Variants in DPT observed in about 807,000 individuals in gnomAD.
DPT encodes the protein dermatopontin.
DPT carries 21 observed loss-of-function variants against 31.2 expected under a neutral mutation model. That is an observed-to-expected ratio of 0.67 (90% CI 0.48 to 0.97). The LOEUF (loss-of-function observed/expected upper bound fraction) is 0.97, where lower values mean the gene tolerates loss of function less well. DPT is among the 50% of genes least tolerant of loss of function. The pLI, the probability that DPT is intolerant of heterozygous loss-of-function variation, is 0.00. For missense variants in DPT, 262 were observed against 258.8 expected (o/e 1.01, Z -0.08); for synonymous variants, 91 against 86.9 (o/e 1.05, Z -0.26).
At chr1:168,712,583 G>C (rs1377212573) in intron 2 of DPT, among the ~76,000 whole-genome samples, 1 of 152,198 alleles carries the variant, frequency 6.6e-6, no homozygotes, top group African/African-American at 2.4e-5. Context: ...AATAGACCAG[G>C]AATGAGAGAT....
chr1:168,724,734 G>A (rs1179223340), intron 1 of DPT, among the ~76,000 whole-genome samples: 1 of 152,100 alleles, frequency 6.6e-6, no homozygotes, highest in Admixed American at 6.5e-5. Flanking sequence ...ACTGAGGCTT[G>A]GTCTTGCTTA....
chr1:168,701,834 T>C (rs147752606), intron 2 of DPT, among the ~76,000 whole-genome samples: 24 of 152,376 alleles, frequency 1.6e-4, no homozygotes, highest in Non-Finnish European at 2.5e-4. Flanking sequence ...TGTTTTCTGA[T>C]CTGTAGAAGA....
intron 1 of DPT, among the ~76,000 whole-genome samples, chr1:168,714,630 G>A (rs1307699122): frequency 6.6e-6 from 1 of 152,096 alleles, no homozygotes; most frequent in Non-Finnish European, 1.5e-5. Context: ...GCATAAATGG[G>A]TGGATCTAGA....
intron 1 of DPT, among the ~76,000 whole-genome samples, chr1:168,721,891 C>A (rs2101911468): frequency 6.6e-6 from 1 of 152,316 alleles, no homozygotes; most frequent in Middle Eastern, 3.4e-3. Flanking sequence ...ATTCTGCTGT[C>A]TTCTCCATGT....
chr1:168,724,332 A>C (rs921226234), intron 1 of DPT, among the ~76,000 whole-genome samples: 1 of 152,218 alleles, frequency 6.6e-6, no homozygotes, highest in African/African-American at 2.4e-5. Context: ...AGACATAAGC[A>C]AAATGGTTCC....
At chr1:168,708,301 T>A (rs990416703) in intron 2 of DPT, among the ~76,000 whole-genome samples, 7 of 152,206 alleles carry the variant, frequency 4.6e-5, no homozygotes, top group Admixed American at 4.6e-4. Context: ...ATTTTAAATA[T>A]GGCACAATAA....
intron 1 of DPT, among the ~76,000 whole-genome samples, chr1:168,723,110 C>G (rs1650161632): frequency 6.6e-6 from 1 of 152,228 alleles, no homozygotes; most frequent in African/African-American, 2.4e-5. Context: ...TGTCATAACC[C>G]TATTCTCCCA....
intron 3 of DPT, among the ~76,000 whole-genome samples, chr1:168,698,730 C>A (rs1450055162): frequency 6.6e-6 from 1 of 152,134 alleles, no homozygotes; most frequent in Non-Finnish European, 1.5e-5. Flanking sequence ...AAAGAAATAT[C>A]TGGCCCTAGA....
rs539309989 is a variant in DPT at position 168,729,149 on chromosome 1, A to G, written c.26T>C (p.Leu9Pro). 6 of 1,614,062 alleles carry G rather than the reference A, an allele frequency of 3.7e-6. No individual in the cohort carries two copies. The African/African-American group carries it at 4.0e-5, about 11-fold the overall frequency. The change falls in exon 1 of 4, where the codon CTT becomes CCT. Residue 9 changes from leucine to proline, a missense_variant. Coordinates refer to ENST00000367817, the MANE Select transcript of DPT (RefSeq NM_001937.5). The part of the protein sequence containing the change: MDLSLLWV[L>P]LPLVTMAWGQ... ...CCAGGCCATGGTGACTAGGGGCAGA[A>G]GTACCCAGAGAAGACTGAGGTCCAT...
At chr1:168,718,016 A>G (rs535647014) in intron 1 of DPT, among the ~76,000 whole-genome samples, 1 of 152,198 alleles carries the variant, frequency 6.6e-6, no homozygotes, top group African/African-American at 2.4e-5. Context: ...AGCAAAACTC[A>G]TATGTGTCCA....
At chr1:168,716,602 T>C (rs979456929) in intron 1 of DPT, among the ~76,000 whole-genome samples, 3 of 152,214 alleles carry the variant, frequency 2.0e-5, no homozygotes, top group Non-Finnish European at 2.9e-5. Flanking sequence ...GTTTATTACA[T>C]AGGTATATGT....
intron 2 of DPT, among the ~76,000 whole-genome samples, chr1:168,706,203 CT>C (rs1251851926): frequency 5.3e-5 from 8 of 152,238 alleles, no homozygotes; most frequent in African/African-American, 1.9e-4. Flanking sequence ...CTTTTATGAT[CT>C]GGTTCAGAGG....
In DPT at chr1:168,729,000, C is replaced by T. The variant is rs146462912; in HGVS notation, c.175G>A (p.Val59Met). 64 of 1,614,228 alleles carry T rather than the reference C, an allele frequency of 4.0e-5. No individual in the cohort carries two copies. The African/African-American group carries it at 4.0e-4, about 10-fold the overall frequency. ...QCPQGQVIVAVRSIFSKKEGS... is the reference protein window; with the variant it reads ...QCPQGQVIVAMRSIFSKKEGS... ...TCCTTCTTGCTGAAGATGCTCCTCACGGCCACTATCACCTGCCCCTGGGGA... is the reference window on the plus strand; with the variant it reads ...TCCTTCTTGCTGAAGATGCTCCTCATGGCCACTATCACCTGCCCCTGGGGA... Residue 59 changes from valine to methionine, a missense_variant, in exon 1 of 4, where the codon GTG becomes ATG. By Grantham distance (21) the Val-to-Met change is conservative. Transcript: ENST00000367817.
chr1:168,726,745 T>C (rs1650252082), intron 1 of DPT, among the ~76,000 whole-genome samples: 1 of 152,242 alleles, frequency 6.6e-6, no homozygotes, highest in Non-Finnish European at 1.5e-5. Context: ...CAGTTGTAAT[T>C]AGGTCATTGC....
chr1:168,719,611 A>C lies in DPT; in HGVS notation c.306-5265T>G, dbSNP rs1252524906. ...TTCCGCTTGGAGGGAAACTACTTGG[A>C]GGGAGTTTCAGGCCCCTTCATGGAT... On this transcript the variant is annotated intron_variant, in intron 1 of 3. Transcript: ENST00000367817. 4.6e-5 allele frequency among the ~76,000 whole-genome samples: 7 copies of C among 152,122 alleles called. 1 individual carries two copies. The East Asian group carries it at 1.2e-3, about 25-fold the overall frequency.
intron 1 of DPT, among the ~76,000 whole-genome samples, chr1:168,721,544 G>T (rs1456036513): frequency 6.6e-6 from 1 of 152,136 alleles, no homozygotes. Flanking sequence ...TGTCAGGATT[G>T]AACTTCTCCA....
At chr1:168,714,647 C>T (rs1353773646) in intron 1 of DPT, among the ~76,000 whole-genome samples, 4 of 152,116 alleles carry the variant, frequency 2.6e-5, no homozygotes, top group Admixed American at 2.6e-4. Flanking sequence ...TAGAATTTTA[C>T]ATCTAGAATT....
chr1:168,707,002 C>T (rs116684153), intron 2 of DPT, among the ~76,000 whole-genome samples: 1,969 of 152,296 alleles, frequency 0.013, 40 homozygotes, highest in African/African-American at 0.045. Flanking sequence ...TACCAGATGC[C>T]TACTGTGCTA....
chr1:168,714,486 CTT>C (rs1649934944), intron 1 of DPT, 140 bp from the exon 2 acceptor site: 2 of 1,095,006 alleles, frequency 1.8e-6, no homozygotes, highest in African/African-American at 3.2e-5. Context: ...AAATAATAGT[CTT>C]TATTATATTT....
Sources: allele counts gnomAD v4.1 joint callset (sites outside exome capture counted in the v4.1 genomes callset), GRCh38; gene constraint gnomAD v4.1.1; transcripts MANE v1.5; gene names NCBI Gene and HGNC (gene_info 2026-07-23, HGNC 2026-07-21).